MYO1B: variants seen among roughly 807,000 people sequenced by gnomAD.
The protein encoded by MYO1B is unconventional myosin-Ib.
Under a neutral mutation model 159.7 loss-of-function variants are expected in MYO1B, and 72 were observed. The ratio of observed to expected loss-of-function variants is 0.45; its 90% CI spans 0.37 to 0.55. MYO1B has a LOEUF of 0.55. Among genes scored for constraint, MYO1B ranks in the 20% least tolerant of loss-of-function variants. The pLI is 0.00. For synonymous variants in MYO1B, 468 were observed against 473.8 expected (o/e 0.99, Z 0.16); for missense variants, 1,062 against 1,364.8 (o/e 0.78, Z 3.50).
chr2:191,408,950 A>G (rs1480367273), intron 25 of MYO1B, 94 bp from the exon 26 acceptor site: 2 of 1,307,712 alleles, frequency 1.5e-6, no homozygotes, highest in African/African-American at 1.5e-5. Flanking sequence ...AATAAATTCT[A>G]CTATTGTCTC....
At chr2:191,310,334 C>G (rs1689924073) in intron 3 of MYO1B, among the ~76,000 whole-genome samples, 1 of 152,150 alleles carries the variant, frequency 6.6e-6, no homozygotes, top group South Asian at 2.1e-4. Flanking sequence ...ACCTGAGTAG[C>G]TGGGATTACG....
intron 1 of MYO1B, among the ~76,000 whole-genome samples, chr2:191,276,092 G>A (rs1687735008): frequency 6.6e-6 from 1 of 152,202 alleles, no homozygotes; most frequent in Admixed American, 6.5e-5. Context: ...TTTACTGCGT[G>A]TTAATTTGAT....
At chr2:191,302,182 G>A (rs1689375437) in intron 3 of MYO1B, among the ~76,000 whole-genome samples, 1 of 152,182 alleles carries the variant, frequency 6.6e-6, no homozygotes, top group Admixed American at 6.5e-5. Context: ...ACTTGCACTG[G>A]CCCTGAGTTA....
Position 191,390,505 on chromosome 2 carries a change from G to T in MYO1B, c.1982+13G>T. The T allele has an allele frequency of 6.2e-7, 1 of 1,608,264 alleles. No individual in the cohort carries two copies. Among genetic ancestry groups the T allele is most frequent in the East Asian group, 2.2e-5 (1 of 44,778 alleles). On this transcript the variant is annotated intron_variant, in intron 18 of 30. Transcript: ENST00000392318. ...AAGGACCAGCCAGGTAAGAAATTCA[G>T]TGACCATATTTAATAATGAATGTTT...
intron 4 of MYO1B, among the ~76,000 whole-genome samples, chr2:191,330,962 A>G (rs1006020218): frequency 1.3e-5 from 2 of 152,198 alleles, no homozygotes; most frequent in Non-Finnish European, 2.9e-5. Context: ...TGTTGAGTCA[A>G]CTGACTGAAT....
Position 191,323,915 on chromosome 2 carries a change from GA to G in MYO1B, c.252-6012del, listed in dbSNP as rs372909453. Among the ~76,000 whole-genome samples the G allele has an allele frequency of 9.1e-4, 138 of 151,702 alleles. 1 individual carries two copies. In the East Asian group the frequency reaches 0.013, roughly 14 times the overall value. On this transcript the variant is annotated intron_variant, in intron 3 of 30. Coordinates refer to ENST00000392318, the MANE Select transcript of MYO1B (RefSeq NM_001130158.3). ...ATTACATGTTGATAAAACAGTCTTG[GA>G]AAAAAAATGATTGTAGCTCATTTTC...
At chr2:191,320,174 A>G (rs1288659313) in intron 3 of MYO1B, among the ~76,000 whole-genome samples, 1 of 152,202 alleles carries the variant, frequency 6.6e-6, no homozygotes, top group Non-Finnish European at 1.5e-5. Context: ...TGTTTTCAAC[A>G]GGCAACACGG....
At chr2:191,394,843 T>C (rs1695969222) in intron 20 of MYO1B, among the ~76,000 whole-genome samples, 1 of 152,250 alleles carries the variant, frequency 6.6e-6, no homozygotes, top group Non-Finnish European at 1.5e-5. Context: ...TCAGGAGTTA[T>C]GAGCAATATT....
intron 2 of MYO1B, among the ~76,000 whole-genome samples, chr2:191,288,549 A>G (rs1688517102): frequency 6.6e-6 from 1 of 152,160 alleles, no homozygotes; most frequent in Non-Finnish European, 1.5e-5. Flanking sequence ...CTTAAATTTT[A>G]TGTTTCTCTA....
chr2:191,361,957 A>G (rs921256463), intron 8 of MYO1B, among the ~76,000 whole-genome samples: 1 of 152,186 alleles, frequency 6.6e-6, no homozygotes, highest in Admixed American at 6.5e-5. Flanking sequence ...TTATAATGAA[A>G]TAATATATTG....
chr2:191,359,149 A>C (rs534573303), intron 7 of MYO1B, among the ~76,000 whole-genome samples: 9 of 152,296 alleles, frequency 5.9e-5, no homozygotes, highest in African/African-American at 2.2e-4. Flanking sequence ...GATAAGTAAA[A>C]TCGTACTGCA....
intron 30 of MYO1B, among the ~76,000 whole-genome samples, chr2:191,419,826 C>T (rs80061282): frequency 0.018 from 2,802 of 151,996 alleles, 71 homozygotes; most frequent in African/African-American, 0.065. Flanking sequence ...TAGAGAAAAG[C>T]TTATAGAATA....
chr2:191,414,809 C>A, intron 29 of MYO1B, 140 bp downstream of exon 29: 1 of 785,150 alleles, frequency 1.3e-6, no homozygotes, highest in Non-Finnish European at 1.8e-6. Flanking sequence ...TATGTAAAAT[C>A]TCCGACTCAG....
chr2:191,399,112 G>A (rs1359174673), intron 21 of MYO1B, among the ~76,000 whole-genome samples: 6 of 151,990 alleles, frequency 3.9e-5, no homozygotes, highest in Admixed American at 2.0e-4. Context: ...AAAAAAAAAC[G>A]AAAACCAGTC....
At position 191,416,095 on chromosome 2, in the gene MYO1B, C is replaced by T. The variant is rs752114311; in HGVS notation, c.3160-20C>T. The T allele has an allele frequency of 1.9e-6, 3 of 1,608,258 alleles. No individual in the cohort carries two copies. The highest frequency in any genetic ancestry group is 2.7e-5 in the African/African-American group (2 of 74,598). ...CTAAGGTATCTTTAATTATGACCGA[C>T]TCTTGGTTTGTCCTTGCAGGGCTCA... On this transcript the variant is annotated intron_variant, in intron 29 of 30. Transcript: ENST00000392318.
chr2:191,358,678 T>C (rs1032000060), intron 7 of MYO1B, among the ~76,000 whole-genome samples: 3 of 152,242 alleles, frequency 2.0e-5, no homozygotes, highest in Non-Finnish European at 4.4e-5. Flanking sequence ...GCTTTTGTAA[T>C]GTGATTGTGG....
At chr2:191,275,425 A>G (rs1224600956) in intron 1 of MYO1B, among the ~76,000 whole-genome samples, 1 of 152,132 alleles carries the variant, frequency 6.6e-6, no homozygotes, top group Non-Finnish European at 1.5e-5. Flanking sequence ...TTGTGGGTTC[A>G]TATAAATTGC....
intron 1 of MYO1B, among the ~76,000 whole-genome samples, chr2:191,265,032 A>G (rs898447155): frequency 6.6e-6 from 1 of 152,090 alleles, no homozygotes; most frequent in Non-Finnish European, 1.5e-5. Flanking sequence ...CCACTGCAGT[A>G]GTCGTTGTAA....
chr2:191,292,346 A>G (rs61446205), intron 2 of MYO1B, among the ~76,000 whole-genome samples: 1 of 152,168 alleles, frequency 6.6e-6, no homozygotes, highest in Non-Finnish European at 1.5e-5. Flanking sequence ...TCCTGAGAAC[A>G]TGTGCCCAAG....
Sources: gnomAD v4.1 joint callset for allele counts (sites outside exome capture counted in the v4.1 genomes callset) on GRCh38, gnomAD v4.1.1 for gene constraint, MANE v1.5 for transcripts, NCBI Gene and HGNC (gene_info 2026-07-23, HGNC 2026-07-21) for gene names.